Variants in KLHL29 observed in about 807,000 individuals in gnomAD.
KLHL29 encodes kelch-like protein 29.
In KLHL29, 21 loss-of-function variants were observed where a neutral mutation model predicts 80.4. The observed-to-expected ratio is 0.26, with a 90% CI of 0.19 to 0.38. The LOEUF is 0.38. KLHL29 is among the 10% of genes least tolerant of loss of function. The pLI, the probability that KLHL29 is intolerant of heterozygous loss-of-function variation, is 1.00. For missense variants in KLHL29, 867 were observed against 1,223.9 expected, an observed-to-expected ratio of 0.71 and a Z score of 4.35; for synonymous variants, 511 against 526.8, an observed-to-expected ratio of 0.97 and a Z score of 0.41.
chr2:23,494,947 A>G (rs1409169241), intron 2 of KLHL29, among the ~76,000 whole-genome samples: 1 of 152,116 alleles, frequency 6.6e-6, no homozygotes, highest in African/African-American at 2.4e-5. Flanking sequence ...CCGTAAGCCA[A>G]TCTCTCCTTC....
At chr2:23,537,989 T>G (rs994732947) in intron 2 of KLHL29, among the ~76,000 whole-genome samples, 2 of 152,214 alleles carry the variant, frequency 1.3e-5, no homozygotes, top group African/African-American at 2.4e-5. Flanking sequence ...AAAGGAAAGT[T>G]GCTCCAGAAG....
At chr2:23,449,109 A>C (rs1663794019) in intron 1 of KLHL29, among the ~76,000 whole-genome samples, 1 of 152,128 alleles carries the variant, frequency 6.6e-6, no homozygotes, top group African/African-American at 2.4e-5. Context: ...AAGCTCTGTG[A>C]AGTGTACTGC....
intron 1 of KLHL29, among the ~76,000 whole-genome samples, chr2:23,468,375 A>C (rs933928935): frequency 6.6e-6 from 1 of 152,224 alleles, no homozygotes. Context: ...GTGAGGCTAC[A>C]GGATTCAGAC....
Position 23,695,667 on chromosome 2 carries a change from C to T in KLHL29, c.1587C>T (p.His529=), listed in dbSNP as rs1272775880. ...CCGTGGTCCGCCTCCCCTTCATCCA[C>T]CCCAGCTACCTGCTCAATGTGGTTG... ...LLAVVRLPFI[H]PSYLLNVVDN... The change falls in exon 9 of 14, where the codon CAC becomes CAT. Residue 529 remains histidine, a synonymous_variant. Transcript: ENST00000486442. This position sits in a 1 kb window ranked among gnomAD's most constrained non-coding sequence, Gnocchi z 7.6. The T allele has an allele frequency of 1.9e-6, 3 of 1,551,632 alleles. No homozygotes were observed. The highest frequency in any genetic ancestry group is 2.6e-6 in the Non-Finnish European group (3 of 1,146,948).
intron 2 of KLHL29, among the ~76,000 whole-genome samples, chr2:23,557,931 C>G (rs1437559024): frequency 6.6e-6 from 1 of 152,110 alleles, no homozygotes; most frequent in East Asian, 1.9e-4. Context: ...ATTCACGCCC[C>G]CAGTATGCAA....
At chr2:23,523,129 T>C (rs1666158975) in intron 2 of KLHL29, among the ~76,000 whole-genome samples, 1 of 152,178 alleles carries the variant, frequency 6.6e-6, no homozygotes, top group Admixed American at 6.5e-5. Flanking sequence ...ACTGGTTTCT[T>C]TACCAGCACC....
chr2:23,400,504 T>C (rs1656003782), intron 1 of KLHL29, among the ~76,000 whole-genome samples: 2 of 152,134 alleles, frequency 1.3e-5, no homozygotes, highest in African/African-American at 4.8e-5. Flanking sequence ...TGCTGGGCAG[T>C]ATCTTATCTC....
chr2:23,508,073 G>T (rs968044906), intron 2 of KLHL29, among the ~76,000 whole-genome samples: 1 of 152,180 alleles, frequency 6.6e-6, no homozygotes, highest in East Asian at 1.9e-4. Context: ...CTCCCAGCAG[G>T]GGCCTGGGTC....
chr2:23,481,377 T>C (rs1664793713), intron 2 of KLHL29, among the ~76,000 whole-genome samples: 1 of 152,276 alleles, frequency 6.6e-6, no homozygotes, highest in African/African-American at 2.4e-5. Flanking sequence ...TCTTAATGTA[T>C]CCTTTTAAGT....
At chr2:23,533,314 G>A (rs940285165) in intron 2 of KLHL29, among the ~76,000 whole-genome samples, 1 of 152,148 alleles carries the variant, frequency 6.6e-6, no homozygotes, top group East Asian at 1.9e-4. Context: ...TGCATCCAGG[G>A]AAGTATTTTT....
intron 3 of KLHL29, among the ~76,000 whole-genome samples, chr2:23,564,027 A>G (rs1572403777): frequency 6.6e-6 from 1 of 152,382 alleles, no homozygotes; most frequent in East Asian, 1.9e-4. Flanking sequence ...GGCGCTCTGC[A>G]GGGCCAGCTG....
intron 3 of KLHL29, among the ~76,000 whole-genome samples, chr2:23,623,017 T>A (rs1167363959): frequency 6.6e-6 from 1 of 152,140 alleles, no homozygotes; most frequent in Non-Finnish European, 1.5e-5. Context: ...TGTCCTGCCC[T>A]CAGGAGCTCA....
At chr2:23,555,923 G>T (rs977764684) in intron 2 of KLHL29, among the ~76,000 whole-genome samples, 1 of 152,264 alleles carries the variant, frequency 6.6e-6, no homozygotes, top group Non-Finnish European at 1.5e-5. Context: ...GATGCTGGGG[G>T]ACCTTGTCCT....
intron 2 of KLHL29, among the ~76,000 whole-genome samples, chr2:23,517,584 A>C (rs1006932440): frequency 2.0e-5 from 3 of 150,794 alleles, no homozygotes; most frequent in Non-Finnish European, 4.4e-5. Context: ...ATAACATTTG[A>C]AATTTGGTCC....
chr2:23,491,670 C>T (rs893557899), intron 2 of KLHL29, among the ~76,000 whole-genome samples: 5 of 152,152 alleles, frequency 3.3e-5, no homozygotes, highest in African/African-American at 1.2e-4. Flanking sequence ...TGCTACTGAT[C>T]TCCTGTTCTC....
intron 2 of KLHL29, among the ~76,000 whole-genome samples, chr2:23,526,394 C>T (rs995863615): frequency 2.6e-5 from 4 of 152,174 alleles, no homozygotes; most frequent in Non-Finnish European, 4.4e-5. Flanking sequence ...ACAGCCCATG[C>T]GTGACTAAGG....
chr2:23,441,316 C>G (rs1663512853), intron 1 of KLHL29, among the ~76,000 whole-genome samples: 1 of 114,604 alleles, frequency 8.7e-6, no homozygotes, highest in South Asian at 2.8e-4. Context: ...ACATCACACT[C>G]TGGGGACTGT....
intron 5 of KLHL29, among the ~76,000 whole-genome samples, chr2:23,663,423 C>A (rs372503075): frequency 1.3e-5 from 2 of 152,364 alleles, no homozygotes; most frequent in African/African-American, 2.4e-5. Flanking sequence ...GGCCGCCCCG[C>A]GGCTCCGCCG....
chr2:23,468,646 C>T (rs890006970), intron 1 of KLHL29, among the ~76,000 whole-genome samples: 2 of 152,198 alleles, frequency 1.3e-5, no homozygotes, highest in African/African-American at 4.8e-5. Flanking sequence ...CCTGTCCCCA[C>T]GGCCGTCTCC....
Sources: gnomAD v4.1 joint callset for allele counts (sites outside exome capture counted in the v4.1 genomes callset) on GRCh38, gnomAD v4.1.1 for gene constraint, Gnocchi (gnomAD v3.1) non-coding constraint, MANE v1.5 for transcripts, NCBI Gene and HGNC (gene_info 2026-07-23, HGNC 2026-07-21) for gene names.